The following MMP26 variants were observed in gnomAD, a reference collection of about 807,000 sequenced individuals.
MMP26 encodes matrix metallopeptidase 26, also known as matrix metalloproteinase-26.
MMP26 carries 33 observed loss-of-function variants against 31.0 expected under a neutral mutation model. That is an observed-to-expected ratio of 1.06 (90% confidence interval 0.81 to 1.42). The LOEUF (loss-of-function observed/expected upper bound fraction) is 1.42, where lower values mean the gene tolerates loss of function less well. Among genes scored for constraint, MMP26 ranks in the 40% most tolerant of loss-of-function variants. The pLI is 0.00. For synonymous variants in MMP26, 122 were observed against 114.9 expected (o/e 1.06, Z -0.40); for missense variants, 347 against 316.1 (o/e 1.10, Z -0.74).
At chr11:4,776,465 C>A (rs1464609631) in intron 2 of MMP26, among the ~76,000 whole-genome samples, 1 of 151,320 alleles carries the variant, frequency 6.6e-6, no homozygotes, top group Non-Finnish European at 1.5e-5. Context: ...TATTTTTTGA[C>A]TTTTTAATAA....
chr11:4,953,950 G>A lies in MMP26; in HGVS notation c.-144-34118G>A, dbSNP rs140083515. On this transcript the variant is annotated intron_variant, in intron 2 of 7. Transcript: ENST00000380390. ...GCCTGTAATCCTAGATACTCGGGAG[G>A]CTGAGAGGCAAGAGAATCGCTTGAA... Among the ~76,000 whole-genome samples, 88 of 125,584 alleles carry A rather than the reference G, an allele frequency of 7.0e-4. 25 individuals carry two copies. In the East Asian group the frequency reaches 0.019, roughly 27 times the overall value. The allele number at this position is 125,584 out of a possible 152,430, so 82.4% of individuals were successfully genotyped here. A position where few individuals can be genotyped will look rare whatever the true frequency, so the allele number is the denominator to read the frequency against.
intron 2 of MMP26, among the ~76,000 whole-genome samples, chr11:4,822,932 A>C (rs1384040281): frequency 1.3e-5 from 2 of 152,162 alleles, no homozygotes. Flanking sequence ...GCTCAGCATC[A>C]GTTACTGCTG....
chr11:4,766,423 T>C (rs1164442412), intron 1 of MMP26, among the ~76,000 whole-genome samples: 1 of 152,190 alleles, frequency 6.6e-6, no homozygotes, highest in Non-Finnish European at 1.5e-5. Context: ...TACTCGGTGT[T>C]TCATGGTACT....
At chr11:4,842,814 C>T (rs933546076) in intron 2 of MMP26, among the ~76,000 whole-genome samples, 2 of 152,170 alleles carry the variant, frequency 1.3e-5, no homozygotes, top group African/African-American at 4.8e-5. Context: ...TTACCTGAGA[C>T]AAGGCAAGTT....
chr11:4,776,594 T>C (rs1178550462), intron 2 of MMP26, among the ~76,000 whole-genome samples: 1 of 152,182 alleles, frequency 6.6e-6, no homozygotes, highest in East Asian at 1.9e-4. Context: ...CAAATTGTAA[T>C]CTCCAAAGTG....
chr11:4,763,800 T>C (rs1011798365), intron 1 of MMP26, among the ~76,000 whole-genome samples: 21 of 152,340 alleles, frequency 1.4e-4, no homozygotes, highest in African/African-American at 5.1e-4. Flanking sequence ...TTTGCACATT[T>C]TTAAATTCTC....
At chr11:4,932,777 A>G (rs1398976322) in intron 2 of MMP26, among the ~76,000 whole-genome samples, 1 of 152,136 alleles carries the variant, frequency 6.6e-6, no homozygotes, top group South Asian at 2.1e-4. Context: ...TTTGTAGTCG[A>G]ATGAAGTCCC....
At chr11:4,748,274 T>C (rs1848405330) in intron 1 of MMP26, among the ~76,000 whole-genome samples, 1 of 151,760 alleles carries the variant, frequency 6.6e-6, no homozygotes, top group Non-Finnish European at 1.5e-5. Context: ...CAGACTAATA[T>C]CGATTAGTAA....
intron 2 of MMP26, among the ~76,000 whole-genome samples, chr11:4,933,685 C>T (rs1851387054): frequency 6.6e-6 from 1 of 151,154 alleles, no homozygotes; most frequent in Non-Finnish European, 1.5e-5. Context: ...AACTCGTCAT[C>T]TAGCATTAGG....
At chr11:4,891,785 T>A (rs947486900) in intron 2 of MMP26, among the ~76,000 whole-genome samples, 31 of 152,178 alleles carry the variant, frequency 2.0e-4, no homozygotes, top group African/African-American at 7.5e-4. Context: ...TAGCTCAACA[T>A]ACACTTTCAC....
chr11:4,925,645 T>C (rs1851260317), intron 2 of MMP26, among the ~76,000 whole-genome samples: 1 of 151,924 alleles, frequency 6.6e-6, no homozygotes, highest in Non-Finnish European at 1.5e-5. Context: ...ATAAAACTGA[T>C]AACTTTTAAA....
chr11:4,769,747 G>A (rs913700912), intron 2 of MMP26: 5 of 1,613,960 alleles, frequency 3.1e-6, no homozygotes, highest in East Asian at 4.5e-5. Flanking sequence ...TGGGTTCATG[G>A]AGACTCTGCT....
At chr11:4,769,041 T>C in intron 2 of MMP26, 1 of 1,539,792 alleles carries the variant, frequency 6.5e-7, no homozygotes, top group Non-Finnish European at 8.7e-7. Context: ...ACACTGTCGA[T>C]GATGGGGTTG....
intron 1 of MMP26, among the ~76,000 whole-genome samples, chr11:4,731,424 A>G (rs527562443): frequency 6.6e-6 from 1 of 152,244 alleles, no homozygotes; most frequent in African/African-American, 2.4e-5. Flanking sequence ...TCATTTGTGT[A>G]AGTTTTTTCA....
At chr11:4,845,739 C>T (rs1477694829) in intron 2 of MMP26, among the ~76,000 whole-genome samples, 1 of 152,048 alleles carries the variant, frequency 6.6e-6, no homozygotes, top group Non-Finnish European at 1.5e-5. Flanking sequence ...AGCTCTACAA[C>T]TCCACATGGA....
chr11:4,780,297 C>A (rs766451012), intron 2 of MMP26, among the ~76,000 whole-genome samples: 1 of 152,092 alleles, frequency 6.6e-6, no homozygotes, highest in Middle Eastern at 3.2e-3. Context: ...AAACAACCCT[C>A]CCACAAGCAG....
intron 2 of MMP26, among the ~76,000 whole-genome samples, chr11:4,892,677 T>G (rs754658590): frequency 2.0e-5 from 3 of 152,198 alleles, no homozygotes; most frequent in Non-Finnish European, 4.4e-5. Context: ...TGACTGAAGC[T>G]TCTTTCCTTC....
At chr11:4,936,310 G>C (rs985964698) in intron 2 of MMP26, among the ~76,000 whole-genome samples, 39 of 151,316 alleles carry the variant, frequency 2.6e-4, no homozygotes, top group Admixed American at 1.5e-3. Context: ...TCTTGGGAGA[G>C]TGTATGTGTC....
In MMP26 at chr11:4,765,949, C is replaced by T. The variant is rs979050995; in HGVS notation, c.-216-1321C>T. ...TGCTGAATGTTGTCCAACACTTTTT[C>T]TAGCTAATTGTCACTCAGTAGTAAA... On this transcript the variant is annotated intron_variant, in intron 1 of 7. Coordinates refer to ENST00000380390, the MANE Select transcript of MMP26 (RefSeq NM_021801.5). Among the ~76,000 whole-genome samples the T allele has an allele frequency of 2.0e-4, 30 of 152,292 alleles. 1 individual carries two copies. Among genetic ancestry groups the T allele is most frequent in the African/African-American group, 7.2e-4 (30 of 41,570 alleles).
Sources: allele counts gnomAD v4.1 joint callset (sites outside exome capture counted in the v4.1 genomes callset), GRCh38; gene constraint gnomAD v4.1.1; transcripts MANE v1.5; gene names NCBI Gene and HGNC (gene_info 2026-07-23, HGNC 2026-07-21).